Variants in RXFP1 observed in about 807,000 individuals in gnomAD.
The protein encoded by RXFP1 is relaxin receptor 1.
RXFP1 carries 73 observed loss-of-function variants against 89.8 expected under a neutral mutation model. The ratio of observed to expected loss-of-function variants is 0.81; its 90% CI spans 0.67 to 0.99. RXFP1 has a LOEUF of 0.99. Ranked by LOEUF, RXFP1 falls within the 50% of genes least tolerant of loss-of-function variation. The pLI, the probability that RXFP1 is intolerant of heterozygous loss-of-function variation, is 0.00. For missense variants in RXFP1, 793 were observed against 895.5 expected (o/e 0.89, Z 1.46); for synonymous variants, 277 against 305.5 (o/e 0.91, Z 0.97).
At chr4:158,651,663 A>G (rs1451173252) in intron 17 of RXFP1, 94 bp from the exon 18 acceptor site, 1 of 954,988 alleles carries the variant, frequency 1.0e-6, no homozygotes, top group East Asian at 2.6e-5. Context: ...ATCAAAACTC[A>G]AAAAGGGGTT....
At chr4:158,622,815 A>G (rs1305641738) in intron 9 of RXFP1, among the ~76,000 whole-genome samples, 2 of 152,186 alleles carry the variant, frequency 1.3e-5, no homozygotes, top group African/African-American at 2.4e-5. Context: ...ATAACACTGT[A>G]TTGTATAGTG....
At chr4:158,522,703 T>C (rs577444879) in intron 1 of RXFP1, among the ~76,000 whole-genome samples, 3 of 152,246 alleles carry the variant, frequency 2.0e-5, no homozygotes, top group African/African-American at 7.2e-5. Flanking sequence ...ATTTGAATTA[T>C]AGTATGTAGA....
intron 1 of RXFP1, among the ~76,000 whole-genome samples, chr4:158,531,093 G>A (rs185396701): frequency 1.3e-5 from 2 of 152,166 alleles, no homozygotes; most frequent in African/African-American, 4.8e-5. Flanking sequence ...CTTGAGTGCA[G>A]TGATGCAATC....
intron 1 of RXFP1, among the ~76,000 whole-genome samples, chr4:158,527,256 T>C (rs1330508411): frequency 1.3e-5 from 2 of 152,028 alleles, no homozygotes; most frequent in Admixed American, 6.6e-5. Context: ...TTAAAACATA[T>C]AGTTGGCCAG....
chr4:158,592,186 C>T (rs1374111280), intron 2 of RXFP1, among the ~76,000 whole-genome samples: 1 of 152,074 alleles, frequency 6.6e-6, no homozygotes, highest in African/African-American at 2.4e-5. Context: ...TATATAAGCA[C>T]TCAGAGAATA....
At chr4:158,615,320 T>C (rs1580084296) in intron 8 of RXFP1, among the ~76,000 whole-genome samples, 2 of 152,096 alleles carry the variant, frequency 1.3e-5, no homozygotes, top group South Asian at 4.1e-4. Flanking sequence ...GCAGATCATC[T>C]GAGGTCAGGA....
chr4:158,621,095 A>G (rs6833282), intron 9 of RXFP1, among the ~76,000 whole-genome samples: 47,291 of 152,072 alleles, frequency 0.31, 13,576 homozygotes, highest in African/African-American at 0.76. Flanking sequence ...CTGAGATCAC[A>G]CCATTGCACT....
At chr4:158,561,915 A>G (rs898134180) in intron 1 of RXFP1, among the ~76,000 whole-genome samples, 4 of 152,176 alleles carry the variant, frequency 2.6e-5, no homozygotes, top group Admixed American at 1.3e-4. Flanking sequence ...GGTGTGAGCC[A>G]CTGCACCCGG....
At chr4:158,625,501 C>T (rs947657501) in intron 9 of RXFP1, among the ~76,000 whole-genome samples, 2 of 151,928 alleles carry the variant, frequency 1.3e-5, no homozygotes, top group African/African-American at 4.8e-5. Context: ...CATAGAAAAC[C>T]CCTGATATAT....
intron 4 of RXFP1, among the ~76,000 whole-genome samples, chr4:158,599,648 T>C (rs959522012): frequency 6.6e-6 from 1 of 152,318 alleles, no homozygotes; most frequent in East Asian, 1.9e-4. Context: ...ATAATAATCC[T>C]GCAAGGTATG....
rs1357493232 is a variant in RXFP1, at chr4:158,633,474, A to G, written c.969A>G (p.Gln323=). 1 of 1,573,914 alleles carries G rather than the reference A, an allele frequency of 6.4e-7. No homozygotes were observed. The highest frequency in any genetic ancestry group is 1.4e-5 in the African/African-American group (1 of 73,296). The part of the protein sequence containing the change: ...LIFKDLKELS[Q]LNLSYNPIQK... ...TCAAGGACCTGAAGGAGCTGTCACA[A>G]TTGTAAGACTGATGTTAATTTTGCC... The change falls in exon 12 of 18, where the codon CAA becomes CAG. Residue 323 remains glutamine (Q), a splice_region_variant and synonymous_variant. Transcript: ENST00000307765.
In RXFP1 at chr4:158,652,736, A is replaced by G. The variant is rs1261044704; in HGVS notation, c.*681A>G. The G allele has an allele frequency of 7.2e-5, 11 of 152,240 alleles. No individual in the cohort carries two copies. In the East Asian group the frequency reaches 2.1e-3, roughly 29 times the overall value. The allele number at this position is 152,240 out of a possible 1,614,324, so 9.4% of individuals were successfully genotyped here. ...AGTTTTCTCTTTGCTTTAAATGAACATCATCATATGGAATTGGAATAGGAG... is the reference window on the plus strand; with the variant it reads ...AGTTTTCTCTTTGCTTTAAATGAACGTCATCATATGGAATTGGAATAGGAG... On this transcript the variant is annotated 3_prime_UTR_variant, in exon 18 of 18. Transcript: ENST00000307765.
chr4:158,557,388 A>AGTTT (rs1051361519), intron 1 of RXFP1, among the ~76,000 whole-genome samples: 2 of 152,078 alleles, frequency 1.3e-5, no homozygotes, highest in South Asian at 2.1e-4. Flanking sequence ...TTAAAGTATC[A>AGTTT]GTTTGTTTGT....
At chr4:158,561,500 T>A (rs2149940275) in intron 1 of RXFP1, among the ~76,000 whole-genome samples, 1 of 152,298 alleles carries the variant, frequency 6.6e-6, no homozygotes, top group South Asian at 2.1e-4. Flanking sequence ...TTGGATTTCA[T>A]TTTCCAAAAT....
intron 2 of RXFP1, among the ~76,000 whole-genome samples, chr4:158,573,410 C>A (rs1159697974): frequency 6.6e-6 from 1 of 152,208 alleles, no homozygotes; most frequent in African/African-American, 2.4e-5. Context: ...CAACCCGCAG[C>A]CTGCAGGCTG....
chr4:158,587,642 A>C (rs1165079069), intron 2 of RXFP1, among the ~76,000 whole-genome samples: 1 of 152,250 alleles, frequency 6.6e-6, no homozygotes, highest in African/African-American at 2.4e-5. Flanking sequence ...TTGGCCTAGA[A>C]AAGAAATACA....
chr4:158,585,508 T>C (rs1198495890), intron 2 of RXFP1, among the ~76,000 whole-genome samples: 1 of 152,164 alleles, frequency 6.6e-6, no homozygotes, highest in Non-Finnish European at 1.5e-5. Flanking sequence ...GAATTCAAAT[T>C]GGTATGCCTC....
At chr4:158,522,475 A>T (rs1275126627) in intron 1 of RXFP1, among the ~76,000 whole-genome samples, 1 of 152,210 alleles carries the variant, frequency 6.6e-6, no homozygotes, top group African/African-American at 2.4e-5. Context: ...AGATGCATTC[A>T]TAAAACTCTT....
intron 2 of RXFP1, among the ~76,000 whole-genome samples, chr4:158,577,317 A>C (rs1265097734): frequency 1.3e-5 from 2 of 152,198 alleles, no homozygotes; most frequent in Admixed American, 6.5e-5. Flanking sequence ...GATTACAGGC[A>C]TGAGCCCACC....
Sources: gnomAD v4.1 joint callset for allele counts (sites outside exome capture counted in the v4.1 genomes callset) on GRCh38, gnomAD v4.1.1 for gene constraint, MANE v1.5 for transcripts, NCBI Gene and HGNC (gene_info 2026-07-23, HGNC 2026-07-21) for gene names.